The following FRMD4A variants were observed in gnomAD, a reference collection of about 807,000 sequenced individuals.
FRMD4A encodes FERM domain containing 4A.
In FRMD4A, 29 loss-of-function variants were observed where a neutral mutation model predicts 129.1. The ratio of observed to expected loss-of-function variants is 0.22; its 90% CI spans 0.17 to 0.31. The LOEUF (loss-of-function observed/expected upper bound fraction) is 0.31. Ranked by LOEUF, FRMD4A falls within the 10% of genes least tolerant of loss-of-function variation. The pLI is 1.00. For missense variants in FRMD4A, 1,272 were observed against 1,375.8 expected (o/e 0.92, Z 1.19); for synonymous variants, 634 against 571.6 (o/e 1.11, Z -1.56).
chr10:13,711,340 C>T (rs1475047408), intron 12 of FRMD4A, among the ~76,000 whole-genome samples: 1 of 152,268 alleles, frequency 6.6e-6, no homozygotes, highest in Non-Finnish European at 1.5e-5. Context: ...ACAGGAGATG[C>T]TCCACCTTGC....
intron 2 of FRMD4A, among the ~76,000 whole-genome samples, chr10:14,070,321 A>G (rs1406103624): frequency 2.0e-5 from 3 of 152,234 alleles, no homozygotes; most frequent in Non-Finnish European, 4.4e-5. Flanking sequence ...CACAAATTGT[A>G]ATGTAATTTA....
chr10:14,052,205 C>G (rs1389051828), intron 2 of FRMD4A, among the ~76,000 whole-genome samples: 1 of 152,056 alleles, frequency 6.6e-6, no homozygotes, highest in Non-Finnish European at 1.5e-5. Context: ...GGGAACTAAC[C>G]CTGAGGAGAC....
chr10:14,044,557 T>C (rs890114868), intron 2 of FRMD4A, among the ~76,000 whole-genome samples: 18 of 152,162 alleles, frequency 1.2e-4, no homozygotes, highest in African/African-American at 4.1e-4. Flanking sequence ...CAGAGGCACA[T>C]TGGAAGAGGC....
chr10:14,262,817 G>A (rs1415251790), intron 2 of FRMD4A, among the ~76,000 whole-genome samples: 1 of 152,198 alleles, frequency 6.6e-6, no homozygotes, highest in Non-Finnish European at 1.5e-5. Flanking sequence ...GGATGTAGGT[G>A]CACTCAGCAT....
At chr10:13,901,117 G>T in intron 2 of FRMD4A, among the ~76,000 whole-genome samples, 1 of 152,200 alleles carries the variant, frequency 6.6e-6, no homozygotes, top group East Asian at 1.9e-4. Context: ...GTCGGCCACT[G>T]CCAGTTACCA....
intron 2 of FRMD4A, among the ~76,000 whole-genome samples, chr10:14,089,618 C>CAAAAAAA (rs369054869): frequency 1.3e-5 from 1 of 79,572 alleles, no homozygotes; most frequent in African/African-American, 9.5e-5. Context: ...CCTTTTCAAG[C>CAAAAAAA]AAAAAAAAAA....
At chr10:14,175,101 T>C (rs1841669300) in intron 2 of FRMD4A, among the ~76,000 whole-genome samples, 1 of 152,172 alleles carries the variant, frequency 6.6e-6, no homozygotes, top group Non-Finnish European at 1.5e-5. Context: ...CTTGAGGAAT[T>C]TTCTCTGTGA....
chr10:13,874,067 G>A (rs1055622502), intron 2 of FRMD4A, among the ~76,000 whole-genome samples: 7 of 150,818 alleles, frequency 4.6e-5, no homozygotes, highest in Non-Finnish European at 8.9e-5. Flanking sequence ...CCAACATGGT[G>A]AAACCTCGTC....
At chr10:13,799,944 C>T (rs927992288) in intron 4 of FRMD4A, among the ~76,000 whole-genome samples, 3 of 152,032 alleles carry the variant, frequency 2.0e-5, no homozygotes, top group Non-Finnish European at 1.5e-5. Flanking sequence ...CTTTGGGAGG[C>T]TGAGGCAGGC....
chr10:13,941,579 AG>A (rs1191630133), intron 2 of FRMD4A, among the ~76,000 whole-genome samples: 1 of 152,228 alleles, frequency 6.6e-6, no homozygotes, highest in Admixed American at 6.5e-5. Flanking sequence ...CGTAGACACC[AG>A]GCAGGTTAAC....
intron 14 of FRMD4A, among the ~76,000 whole-genome samples, chr10:13,698,756 G>A (rs963193088): frequency 1.5e-4 from 23 of 152,160 alleles, no homozygotes; most frequent in Non-Finnish European, 2.1e-4. Flanking sequence ...AGACCCACCC[G>A]GGGTCCCAGA....
chr10:14,254,931 T>G (rs1218179184), intron 2 of FRMD4A, among the ~76,000 whole-genome samples: 1 of 152,104 alleles, frequency 6.6e-6, no homozygotes, highest in Non-Finnish European at 1.5e-5. Flanking sequence ...TTCCAGTCAA[T>G]CAATCCCAGT....
intron 2 of FRMD4A, among the ~76,000 whole-genome samples, chr10:13,962,322 G>T (rs181534324): frequency 2.0e-5 from 3 of 152,158 alleles, no homozygotes; most frequent in African/African-American, 7.2e-5. Flanking sequence ...AAATGAAGAT[G>T]ACAGTACTTG....
intron 2 of FRMD4A, among the ~76,000 whole-genome samples, chr10:14,212,408 G>A (rs1842957073): frequency 6.6e-6 from 1 of 152,146 alleles, no homozygotes; most frequent in African/African-American, 2.4e-5. Flanking sequence ...ACAAAGGCGT[G>A]GATCAGATGT....
intron 2 of FRMD4A, among the ~76,000 whole-genome samples, chr10:14,048,648 A>G (rs976490650): frequency 3.3e-5 from 5 of 152,038 alleles, no homozygotes; most frequent in African/African-American, 1.2e-4. Context: ...TCTACTAAAA[A>G]TACAAAAATT....
chr10:14,134,097 A>C (rs1310200348), intron 2 of FRMD4A, among the ~76,000 whole-genome samples: 4 of 152,188 alleles, frequency 2.6e-5, no homozygotes, highest in Non-Finnish European at 5.9e-5. Flanking sequence ...TAATTTCTAC[A>C]AGGTTTCTGG....
chr10:13,909,447 C>T (rs1284134687), intron 2 of FRMD4A, among the ~76,000 whole-genome samples: 1 of 152,182 alleles, frequency 6.6e-6, no homozygotes, highest in East Asian at 1.9e-4. Flanking sequence ...ACCTTTCTGT[C>T]TTTACCTTTG....
chr10:14,274,513 G>A (rs1306955068), intron 2 of FRMD4A, among the ~76,000 whole-genome samples: 1 of 152,130 alleles, frequency 6.6e-6, no homozygotes, highest in Non-Finnish European at 1.5e-5. Flanking sequence ...TTGGGGACAG[G>A]AGGAAGGAGT....
At chr10:13,718,423 T>C (rs1207875055) in intron 12 of FRMD4A, among the ~76,000 whole-genome samples, 1 of 152,246 alleles carries the variant, frequency 6.6e-6, no homozygotes, top group Non-Finnish European at 1.5e-5. Flanking sequence ...GCCTGACTTC[T>C]CCGCTTGACC....
Sources: allele counts gnomAD v4.1 joint callset (sites outside exome capture counted in the v4.1 genomes callset), GRCh38; gene constraint gnomAD v4.1.1; transcripts MANE v1.5; gene names NCBI Gene and HGNC (gene_info 2026-07-23, HGNC 2026-07-21).